The following VPS13D variants were observed in gnomAD, a reference collection of about 807,000 sequenced individuals.
VPS13D encodes intermembrane lipid transfer protein VPS13D.
VPS13D carries 187 observed loss-of-function variants against 461.9 expected under a neutral mutation model. The observed-to-expected ratio is 0.40, with a 90% confidence interval of 0.36 to 0.46. The LOEUF (loss-of-function observed/expected upper bound fraction) is 0.46. Among genes scored for constraint, VPS13D ranks in the 20% least tolerant of loss-of-function variants. The probability of loss-of-function intolerance (pLI) is 0.60; values close to 1 mark genes in which losing one functional copy is unlikely to be tolerated. For missense variants in VPS13D, 4,711 were observed against 5,364.9 expected (o/e 0.88, Z 3.81); for synonymous variants, 1,951 against 1,986.3 (o/e 0.98, Z 0.47).
At chr1:12,425,468 A>C (rs1644913103) in intron 65 of VPS13D, among the ~76,000 whole-genome samples, 1 of 152,048 alleles carries the variant, frequency 6.6e-6, no homozygotes, top group African/African-American at 2.4e-5. Flanking sequence ...CTGAAACAGG[A>C]GAATCGCTTG....
chr1:12,327,616 G>A, intron 35 of VPS13D, 32 bp from the exon 36 acceptor site: 2 of 1,610,898 alleles, frequency 1.2e-6, no homozygotes, highest in Non-Finnish European at 1.7e-6. Flanking sequence ...GTGGAAGCTG[G>A]TAGAACTGAT....
In VPS13D at chr1:12,283,194, TCTAGTTTAG is replaced by T. The variant is rs765373882; in HGVS notation, c.5094_5102del (p.Ser1699_Ala1701del). 1.9e-6 allele frequency: 3 copies of T among 1,614,134 alleles called. No individual in the cohort carries two copies. The highest frequency in any genetic ancestry group is 2.5e-6 in the Non-Finnish European group (3 of 1,180,004). On this transcript the variant is annotated inframe_deletion, in exon 21 of 70. Coordinates refer to ENST00000620676, the MANE Select transcript of VPS13D (RefSeq NM_015378.4). ...GGTGTCTCGAGGAGCCCCTAAGCCA[TCTAGTTTAG>T]CACAAAAAGAATACCTTTCTCAGTC...
At chr1:12,314,376 T>C in intron 30 of VPS13D, 49 bp downstream of exon 30, 1 of 1,574,934 alleles carries the variant, frequency 6.3e-7, no homozygotes, top group Non-Finnish European at 8.7e-7. Context: ...GACATTCCCT[T>C]TTGGGTCACG....
In VPS13D at chr1:12,283,449, TC is replaced by T; in HGVS notation, c.5349del (p.Leu1784Ter). Reference protein sequence around the residue: ...ILVGKSKFDDSLVHINIFLVD... With the variant: ...ILVGKSKFDDXLVHINIFLVD... ...TGTTGGAAAGAGTAAATTTGATGAT[TC>T]CTTAGTCCACATCAACATATTCTTG... On this transcript the variant is annotated frameshift_variant, in exon 21 of 70. Transcript: ENST00000620676. LOFTEE classifies it high-confidence loss of function. The T allele has an allele frequency of 6.2e-7, 1 of 1,614,174 alleles. No homozygotes were observed. The highest frequency in any genetic ancestry group is 8.5e-7 in the Non-Finnish European group (1 of 1,180,012).
In VPS13D at chr1:12,433,919, A is replaced by G. The variant is rs1418797675; in HGVS notation, c.12333+17092A>G. Among the ~76,000 whole-genome samples, 4 of 148,610 alleles carry G rather than the reference A, an allele frequency of 2.7e-5. No individual in the cohort carries two copies. The South Asian group carries it at 6.4e-4, about 24-fold the overall frequency. ...AAAGAGGAGGAGGTAGGGGGTGGGG[A>G]GAGAGAGAGAGTGAGAGAGAGAGAG... On this transcript the variant is annotated intron_variant, in intron 65 of 69. Transcript: ENST00000620676.
chr1:12,293,773 A>AG, intron 24 of VPS13D, 69 bp downstream of exon 24: 1 of 1,503,388 alleles, frequency 6.7e-7, no homozygotes, highest in South Asian at 1.3e-5. Flanking sequence ...AGGCCTCTAG[A>AG]GATGAATCTG....
chr1:12,281,821 T>C (rs977703033), intron 20 of VPS13D, among the ~76,000 whole-genome samples: 2 of 152,212 alleles, frequency 1.3e-5, no homozygotes, highest in Non-Finnish European at 2.9e-5. Flanking sequence ...CATCATTATT[T>C]CTGTATCTAT....
intron 17 of VPS13D, among the ~76,000 whole-genome samples, chr1:12,272,393 GT>G (rs1486741060): frequency 1.1e-4 from 4 of 37,996 alleles, no homozygotes; most frequent in South Asian, 1.2e-3. Context: ...TTTTGTTTTG[GT>G]GTGTGTGTGT....
chr1:12,445,978 A>G (rs78474832), intron 65 of VPS13D, among the ~76,000 whole-genome samples: 1,547 of 152,344 alleles, frequency 0.01, 19 homozygotes, highest in African/African-American at 0.035. Flanking sequence ...GTGAAGTATC[A>G]GCTTTGCATG....
chr1:12,406,140 G>T (rs1211190624), intron 63 of VPS13D, among the ~76,000 whole-genome samples: 1 of 152,186 alleles, frequency 6.6e-6, no homozygotes, highest in Non-Finnish European at 1.5e-5. Flanking sequence ...GCCGAGTGTA[G>T]TAAGTTAATG....
chr1:12,345,210 G>C (rs1277522490), intron 42 of VPS13D, among the ~76,000 whole-genome samples, 164 bp from the exon 43 acceptor site: 1 of 152,164 alleles, frequency 6.6e-6, no homozygotes, highest in African/African-American at 2.4e-5. Flanking sequence ...GTAAAACCCA[G>C]TTAAACTGTG....
In VPS13D at chr1:12,447,101, T is replaced by A. The variant is rs1645202398; in HGVS notation, c.12334-8897T>A. Among the ~76,000 whole-genome samples, 3 of 152,186 alleles carry A rather than the reference T, an allele frequency of 2.0e-5. 1 individual carries two copies. The South Asian group carries it at 6.2e-4, about 32-fold the overall frequency. ...TGACTCCTCTTCCTTGTCCAGATATTTGCATGTAATTTTTCAGAAATTTTT... is the reference window on the plus strand; with the variant it reads ...TGACTCCTCTTCCTTGTCCAGATATATGCATGTAATTTTTCAGAAATTTTT... On this transcript the variant is annotated intron_variant, in intron 65 of 69. Coordinates refer to ENST00000620676, the MANE Select transcript of VPS13D (RefSeq NM_015378.4).
rs1039429644 is a variant in VPS13D at position 12,487,715 on chromosome 1, G to A, written c.12663-9785G>A. 3.9e-5 allele frequency among the ~76,000 whole-genome samples: 6 copies of A among 152,058 alleles called. No individual in the cohort carries two copies. In the South Asian group the frequency reaches 1.2e-3, roughly 32 times the overall value. ...GTCACTGAAAGAGGCCCTGGGGGAG[G>A]GGGCTTCAGGGCTTCCCAGGGGAGA... On this transcript the variant is annotated intron_variant, in intron 67 of 69. Transcript: ENST00000620676.
intron 68 of VPS13D, chr1:12,499,511 C>G (rs1646006794): frequency 2.0e-6 from 2 of 985,300 alleles, no homozygotes; most frequent in Admixed American, 1.2e-4. Flanking sequence ...CAACATAGGA[C>G]TGCTCCCAGT....
intron 65 of VPS13D, among the ~76,000 whole-genome samples, chr1:12,443,992 C>T (rs1372574914): frequency 6.6e-6 from 1 of 152,012 alleles, no homozygotes; most frequent in African/African-American, 2.4e-5. Context: ...ATTACAGGCA[C>T]CCGCCATCGT....
At chr1:12,458,769 C>T (rs1254128338) in intron 66 of VPS13D, among the ~76,000 whole-genome samples, 1 of 152,228 alleles carries the variant, frequency 6.6e-6, no homozygotes, top group Non-Finnish European at 1.5e-5. Context: ...GTCCCTGGCA[C>T]AGGTCCTGGA....
intron 32 of VPS13D, among the ~76,000 whole-genome samples, chr1:12,320,403 G>T (rs912161032): frequency 6.6e-6 from 1 of 152,156 alleles, no homozygotes; most frequent in African/African-American, 2.4e-5. Context: ...ATTTGGTCGG[G>T]GTTCCTTTTG....
At chr1:12,489,798 T>C (rs987966866) in intron 67 of VPS13D, among the ~76,000 whole-genome samples, 1 of 152,202 alleles carries the variant, frequency 6.6e-6, no homozygotes, top group African/African-American at 2.4e-5. Context: ...TATTGACTTA[T>C]CTACTCCTCA....
chr1:12,292,528 C>G (rs1642165411), intron 23 of VPS13D, among the ~76,000 whole-genome samples: 2 of 150,230 alleles, frequency 1.3e-5, no homozygotes, highest in Admixed American at 6.7e-5. Context: ...CAACCTCTAC[C>G]TCCCAGGCTC....
Sources: allele counts gnomAD v4.1 joint callset (sites outside exome capture counted in the v4.1 genomes callset), GRCh38; gene constraint gnomAD v4.1.1; transcripts MANE v1.5; gene names NCBI Gene and HGNC (gene_info 2026-07-23, HGNC 2026-07-21).